Variants in STARD9 observed in about 807,000 individuals in gnomAD.
The protein encoded by STARD9 is stAR-related lipid transfer protein 9.
STARD9 carries 346 observed loss-of-function variants against 399.8 expected under a neutral mutation model. The ratio of observed to expected loss-of-function variants is 0.87; its 90% CI spans 0.79 to 0.95. The LOEUF is 0.95. STARD9 is among the 40% of genes least tolerant of loss of function. The pLI is 0.00. For synonymous variants in STARD9, 2,203 were observed against 2,143.5 expected (o/e 1.03, Z -0.77); for missense variants, 5,832 against 5,667.5 (o/e 1.03, Z -0.93).
Position 42,716,721 on chromosome 15 carries a change from T to C in STARD9, c.13329T>C (p.Asp4443=). The change falls in exon 27 of 33, where the codon GAT becomes GAC. Residue 4443 remains aspartate (D), a synonymous_variant. Transcript: ENST00000290607. ...LPDSRDVWIG[D]ERGGHSAVRK... ...ATTCCAGGGATGTATGGATAGGGGA[T>C]GAGCGAGGAGGCCATTCTGCAGTGA... 1 of 1,537,136 alleles carries C rather than the reference T, an allele frequency of 6.5e-7. No individual in the cohort carries two copies. Among genetic ancestry groups the C allele is most frequent in the East Asian group, 2.4e-5 (1 of 40,916 alleles).
chr15:42,649,611 G>A lies in STARD9; in HGVS notation c.560-1405G>A, dbSNP rs2059716859. 2.0e-5 allele frequency among the ~76,000 whole-genome samples: 3 copies of A among 151,494 alleles called. No homozygotes were observed. The South Asian group carries it at 6.3e-4, about 32-fold the overall frequency. On this transcript the variant is annotated intron_variant, in intron 7 of 32. Coordinates refer to ENST00000290607, the MANE Select transcript of STARD9 (RefSeq NM_020759.3). ...TTTTGCTCTTATCGCCCAGGCTGGG[G>A]TGCAATGGTGAGATCTTAGCTCACT...
chr15:42,609,677 A>G (rs969342873), intron 3 of STARD9, among the ~76,000 whole-genome samples: 31 of 151,998 alleles, frequency 2.0e-4, no homozygotes, highest in African/African-American at 7.2e-4. Context: ...TGACCTCGTG[A>G]TCTGCCTGCC....
At chr15:42,642,006 C>G (rs1023492192) in intron 7 of STARD9, among the ~76,000 whole-genome samples, 6 of 152,146 alleles carry the variant, frequency 3.9e-5, no homozygotes, top group African/African-American at 1.4e-4. Context: ...CTCATCATCA[C>G]CCTCTGATGA....
intron 10 of STARD9, among the ~76,000 whole-genome samples, chr15:42,661,677 G>A (rs909268453): frequency 6.6e-6 from 1 of 151,624 alleles, no homozygotes; most frequent in Non-Finnish European, 1.5e-5. Context: ...GGCTGGCCTC[G>A]CACTCCTGGC....
intron 9 of STARD9, 140 bp downstream of exon 9, chr15:42,652,732 G>C (rs1047300664): frequency 9.5e-6 from 7 of 739,770 alleles, no homozygotes; most frequent in Non-Finnish European, 1.6e-5. Flanking sequence ...CTGGAGTGCA[G>C]TGGCGCGATC....
At chr15:42,640,603 T>C (rs2059514211) in intron 7 of STARD9, among the ~76,000 whole-genome samples, 1 of 151,796 alleles carries the variant, frequency 6.6e-6, no homozygotes, top group Non-Finnish European at 1.5e-5. Flanking sequence ...GGGCAGAACA[T>C]GAGGTCAGGA....
chr15:42,675,030 C>A, intron 18 of STARD9, 66 bp downstream of exon 18: 1 of 1,415,592 alleles, frequency 7.1e-7, no homozygotes. Context: ...TTCATGGGCC[C>A]AAAGAGCTCA....
At chr15:42,597,712 T>G (rs920408684) in intron 3 of STARD9, among the ~76,000 whole-genome samples, 1 of 151,638 alleles carries the variant, frequency 6.6e-6, no homozygotes, top group Non-Finnish European at 1.5e-5. Context: ...ATTTTTGTAT[T>G]TTTTAGTAGA....
chr15:42,615,633 G>C (rs1385476435), intron 3 of STARD9, among the ~76,000 whole-genome samples: 1 of 150,826 alleles, frequency 6.6e-6, no homozygotes, highest in Non-Finnish European at 1.5e-5. Flanking sequence ...GGAGGAACAA[G>C]AAAGGATGCC....
Position 42,693,844 on chromosome 15 carries a change from C to A in STARD9, c.12266C>A (p.Pro4089His), listed in dbSNP as rs116737895. The change falls in exon 23 of 33, where the codon CCT becomes CAT. Residue 4089 changes from proline (P) to histidine (H), a missense_variant. Pro to His is a moderately conservative substitution (Grantham distance 77). Transcript: ENST00000290607. ...GGCCTCCAGCACCTCAGCCCCTGCC[C>A]TGTCTCTGAGTTGACTGATACTGCA... ...WGGLQHLSPC[P>H]VSELTDTAGL... The A allele has an allele frequency of 7.7e-4, 1,182 of 1,536,836 alleles. 10 individuals are homozygous for A. The African/African-American group carries it at 0.014, about 19-fold the overall frequency.
chr15:42,639,229 C>G (rs150192451), intron 7 of STARD9, among the ~76,000 whole-genome samples: 76 of 152,120 alleles, frequency 5.0e-4, no homozygotes, highest in Admixed American at 2.3e-3. Flanking sequence ...GTGGAATGGA[C>G]TAGAGCCCTG....
At chr15:42,683,271 T>TA (rs1200052723) in intron 22 of STARD9, among the ~76,000 whole-genome samples, 3 of 152,222 alleles carry the variant, frequency 2.0e-5, no homozygotes, top group Non-Finnish European at 4.4e-5. Context: ...GTGGGCTTTT[T>TA]AAAAAAACTT....
intron 3 of STARD9, among the ~76,000 whole-genome samples, chr15:42,591,308 C>T (rs1048634470): frequency 1.3e-5 from 2 of 152,034 alleles, no homozygotes; most frequent in African/African-American, 2.4e-5. Context: ...GCCAACGTGG[C>T]GAAACCCTGT....
chr15:42,715,466 A>G (rs2061332510), intron 26 of STARD9, among the ~76,000 whole-genome samples: 1 of 151,914 alleles, frequency 6.6e-6, no homozygotes, highest in Non-Finnish European at 1.5e-5. Flanking sequence ...GGATCACTTG[A>G]GCCCAGGAGT....
rs559513327 is a variant in STARD9, at chr15:42,718,320, G to C, written c.13763-115G>C. ...CAGGTTACCTTGATTGCTCAGCCTA[G>C]GTTGAGCTAGGTGTCAAGTGATGGG... On this transcript the variant is annotated intron_variant, in intron 30 of 32. Coordinates refer to ENST00000290607, the MANE Select transcript of STARD9 (RefSeq NM_020759.3). 5.8e-6 allele frequency: 7 copies of C among 1,215,490 alleles called. No homozygotes were observed. The Admixed American group carries it at 6.0e-5, about 10-fold the overall frequency. The allele number at this position is 1,215,490 out of a possible 1,614,324, so 75.3% of individuals were successfully genotyped here.
chr15:42,609,727 C>T (rs146827507), intron 3 of STARD9, among the ~76,000 whole-genome samples: 3 of 152,130 alleles, frequency 2.0e-5, no homozygotes, highest in East Asian at 1.9e-4. Context: ...TGTGAGCCAC[C>T]GTGCCCAGCC....
Position 42,682,255 on chromosome 15 carries a change from C to T in STARD9, c.2217C>T (p.Val739=), listed in dbSNP as rs1435599716. The T allele has an allele frequency of 3.3e-6, 5 of 1,537,252 alleles. No homozygotes were observed. Among genetic ancestry groups the T allele is most frequent in the Non-Finnish European group, 4.4e-6 (5 of 1,146,910 alleles). Residue 739 remains valine (V), a synonymous_variant, in exon 22 of 33, where the codon GTC becomes GTT. Transcript: ENST00000290607. ...CTGAGATTCAGCCATCCCCATTTGT[C>T]CAAAGTCAGAAAAGGGTGGTGCACC... The part of the protein sequence containing the change: ...TDPEIQPSPF[V]QSQKRVVHLQ...
chr15:42,702,907 T>C (rs2060997490), intron 26 of STARD9, among the ~76,000 whole-genome samples: 1 of 152,216 alleles, frequency 6.6e-6, no homozygotes, highest in South Asian at 2.1e-4. Context: ...GCCAGACCTA[T>C]TGGAGCTCCT....
At chr15:42,695,446 T>C (rs1488404839) in intron 25 of STARD9, 123 bp downstream of exon 25, 2 of 951,018 alleles carry the variant, frequency 2.1e-6, no homozygotes, top group Non-Finnish European at 3.0e-6. Flanking sequence ...GTGGGACCCC[T>C]GTTGTCAACT....
Sources: gnomAD v4.1 joint callset for allele counts (sites outside exome capture counted in the v4.1 genomes callset) on GRCh38, gnomAD v4.1.1 for gene constraint, MANE v1.5 for transcripts, NCBI Gene and HGNC (gene_info 2026-07-23, HGNC 2026-07-21) for gene names.